LRP2: variants seen among roughly 807,000 people sequenced by gnomAD.
The protein encoded by LRP2 is LDL receptor related protein 2, also known as low-density lipoprotein receptor-related protein 2.
A neutral mutation model predicts 531.0 loss-of-function variants in LRP2; 172 were observed. The observed-to-expected ratio is 0.32, with a 90% CI of 0.29 to 0.37. The LOEUF is 0.37. Ranked by LOEUF, LRP2 falls within the 10% of genes least tolerant of loss-of-function variation. LRP2 has a pLI of 1.00. For synonymous variants in LRP2, 1,992 were observed against 2,027.6 expected, an observed-to-expected ratio of 0.98 and a Z score of 0.47; for missense variants, 5,167 against 5,868.3, an observed-to-expected ratio of 0.88 and a Z score of 3.90.
chr2:169,241,250 A>C lies in LRP2; in HGVS notation c.3783T>G (p.Asp1261Glu). 6.2e-7 allele frequency: 1 copy of C among 1,614,216 alleles called. No homozygotes were observed. Among genetic ancestry groups the C allele is most frequent in the Non-Finnish European group, 8.5e-7 (1 of 1,180,038 alleles). ...DGHPDCLYGS[D>E]EHNACVPKTC... ...TCTTGGGGACACAGGCATTGTGCTC[A>C]TCAGATCCATAGAGGCAGTCTGGAT... Residue 1261 changes from aspartate to glutamate, a missense_variant, in exon 25 of 79, where the codon GAT (aspartate) becomes GAG (glutamate). By Grantham distance (45) the Asp-to-Glu change is conservative. Transcript: ENST00000649046.
At position 169,168,596 on chromosome 2, in the gene LRP2, T is replaced by G; in HGVS notation, c.11578A>C (p.Lys3860Gln). ...CCACAGTCATCATCGCCATCACATT[T>G]CCAATATGGCGGGATACAAACATGG... ...KNHVCIPPYW[K>Q]CDGDDDCGDG... Residue 3860 changes from lysine to glutamine, a missense_variant, in exon 61 of 79, where the codon AAA becomes CAA. Lys to Gln is a moderately conservative substitution (Grantham distance 53). This residue lies in a region of LRP2 where 564 missense variants were observed against 747.7 expected (regional missense o/e 0.75). Transcript: ENST00000649046. 1 of 1,614,076 alleles carries G rather than the reference T, an allele frequency of 6.2e-7. No homozygotes were observed.
intron 62 of LRP2, among the ~76,000 whole-genome samples, chr2:169,165,155 C>T (rs936802214): frequency 6.6e-6 from 1 of 152,086 alleles, no homozygotes; most frequent in African/African-American, 2.4e-5. Context: ...CACATCAATA[C>T]AAGAAATAGA....
rs187335739 is a variant in LRP2, at chr2:169,197,750, A to G, written c.8579-720T>C. Reference sequence around the variant, plus strand: ...AGCAGAGGTCCCTGAAAAGTCAGCAATAATTCCTATCTGTCTAGCCCTATC... The same window carrying G: ...AGCAGAGGTCCCTGAAAAGTCAGCAGTAATTCCTATCTGTCTAGCCCTATC... On this transcript the variant is annotated intron_variant, in intron 45 of 78. Transcript: ENST00000649046. Among the ~76,000 whole-genome samples the G allele has an allele frequency of 2.1e-4, 32 of 152,354 alleles. No homozygotes were observed. The East Asian group carries it at 5.8e-3, about 28-fold the overall frequency.
chr2:169,332,507 A>G (rs868718052), intron 1 of LRP2, among the ~76,000 whole-genome samples: 4 of 152,150 alleles, frequency 2.6e-5, no homozygotes, highest in Admixed American at 1.3e-4. Flanking sequence ...CTTGCATCCT[A>G]GCCTTGGTTT....
intron 61 of LRP2, among the ~76,000 whole-genome samples, chr2:169,166,348 A>G (rs1278696581): frequency 1.3e-5 from 2 of 152,194 alleles, no homozygotes; most frequent in Non-Finnish European, 2.9e-5. Context: ...TGAAACATCT[A>G]CTGGGGTGAT....
chr2:169,295,377 A>C (rs759609093), intron 4 of LRP2, among the ~76,000 whole-genome samples: 1 of 152,236 alleles, frequency 6.6e-6, no homozygotes, highest in African/African-American at 2.4e-5. Flanking sequence ...GTGCTTTCAA[A>C]GCACAAATTG....
intron 19 of LRP2, among the ~76,000 whole-genome samples, chr2:169,248,677 G>A (rs1690110012): frequency 8.1e-6 from 1 of 124,006 alleles, no homozygotes; most frequent in Non-Finnish European, 1.7e-5. Flanking sequence ...AGCTCCCAGC[G>A]TGAGCGACGC....
intron 2 of LRP2, 90 bp from the exon 3 acceptor site, chr2:169,318,974 A>G: frequency 6.6e-7 from 1 of 1,509,882 alleles, no homozygotes; most frequent in Middle Eastern, 1.7e-4. Flanking sequence ...TGTATCATGT[A>G]AACTCCTGCT....
Position 169,277,896 on chromosome 2 carries a change from C to T in LRP2, c.1621G>A (p.Ala541Thr). The T allele has an allele frequency of 6.2e-7, 1 of 1,614,050 alleles. No homozygotes were observed. Among genetic ancestry groups the T allele is most frequent in the Non-Finnish European group, 8.5e-7 (1 of 1,179,982 alleles). Residue 541 changes from alanine (A) to threonine (T), a missense_variant, in exon 13 of 79, where the codon GCA (alanine) becomes ACA (threonine). This residue lies in a region of LRP2 where 2,811 missense variants were observed against 3,058.0 expected (regional missense o/e 0.92). Transcript: ENST00000649046. ...TTACGGTTGCTGCCATCCATGAATG[C>T]CCTTTCCAGCTTAGGTTCCCCAGAA... The part of the protein sequence containing the change: ...SLSGEPKLER[A>T]FMDGSNRKDL...
chr2:169,195,256 A>G (rs1687967570), intron 46 of LRP2, among the ~76,000 whole-genome samples: 1 of 152,208 alleles, frequency 6.6e-6, no homozygotes, highest in African/African-American at 2.4e-5. Context: ...ATTTGCTGAC[A>G]TGATGTTAAG....
chr2:169,226,460 C>G lies in LRP2; in HGVS notation c.5356G>C (p.Asp1786His). The change falls in exon 32 of 79, where the codon GAT becomes CAT. Residue 1786 changes from aspartate to histidine, a missense_variant. Physicochemically the swap from Asp to His is moderately conservative, Grantham distance 81. Transcript: ENST00000649046. ...CAATAGATGTATTGCTCAGCATCAT[C>G]AAATTCAACATCTAAACCATTCTGT... ...GIQNGLDVEF[D>H]DAEQYIYWVE... 1 of 1,613,684 alleles carries G rather than the reference C, an allele frequency of 6.2e-7. No homozygotes were observed. The highest frequency in any genetic ancestry group is 2.2e-5 in the East Asian group (1 of 44,858).
chr2:169,361,180 C>T (rs1686138369), intron 1 of LRP2, among the ~76,000 whole-genome samples: 1 of 152,128 alleles, frequency 6.6e-6, no homozygotes, highest in Non-Finnish European at 1.5e-5. Context: ...GTGGCAGCAG[C>T]GTCCCCTCTG....
intron 1 of LRP2, among the ~76,000 whole-genome samples, chr2:169,358,050 A>G (rs115802796): frequency 6.6e-6 from 1 of 152,324 alleles, no homozygotes; most frequent in African/African-American, 2.4e-5. Context: ...TGGTTGTAAT[A>G]ACCTATCACA....
chr2:169,156,338 C>G lies in LRP2; in HGVS notation c.12087G>C (p.Glu4029Asp). The change falls in exon 65 of 79, where the codon GAG (glutamate) becomes GAC (aspartate). Residue 4029 changes from glutamate (E) to aspartate (D), a missense_variant. Glu to Asp is a conservative substitution (Grantham distance 45). Transcript: ENST00000649046. ...ACGTGAAGCCATCAGCACAGACACA[C>G]TCATAACTTCCTTTGGTATTTCTGC... Reference protein sequence around the residue: ...QHCRNTKGSYECVCADGFTSM... With the variant: ...QHCRNTKGSYDCVCADGFTSM... 6.2e-7 allele frequency: 1 copy of G among 1,613,708 alleles called. No individual in the cohort carries two copies. The highest frequency in any genetic ancestry group is 2.2e-5 in the East Asian group (1 of 44,878).
intron 31 of LRP2, among the ~76,000 whole-genome samples, chr2:169,227,612 C>A (rs1003038951): frequency 9.9e-5 from 15 of 152,122 alleles, no homozygotes; most frequent in Non-Finnish European, 1.8e-4. Context: ...CTTTCATAAG[C>A]TAAAAATGAT....
At chr2:169,188,298 A>G (rs1687704376) in intron 48 of LRP2, 33 bp from the exon 49 acceptor site, 9 of 1,610,806 alleles carry the variant, frequency 5.6e-6, no homozygotes, top group African/African-American at 5.3e-5. Flanking sequence ...ACTTTCAGAG[A>G]GGTTGGCAAT....
At position 169,241,192 on chromosome 2, in the gene LRP2, C is replaced by T. The variant is rs759786625; in HGVS notation, c.3841G>A (p.Gly1281Arg). Residue 1281 changes from glycine to arginine, a missense_variant, in exon 25 of 79, where the codon GGA (glycine) becomes AGA (arginine). Gly to Arg is a moderately radical substitution (Grantham distance 125). Around this residue, in one of 6 missense-constraint regions of LRP2, gnomAD observed 2,811 missense variants for 3,058.0 expected, o/e 0.92. Transcript: ENST00000649046. ...AGCCATGCCCTGTGGATGCAGTTTC[C>T]GTTGTCACAGTGGAAATATGATGAA... is the stretch of plus-strand genomic sequence containing the variant. ...CPSSYFHCDNGNCIHRAWLCD... is the reference protein window; with the variant it reads ...CPSSYFHCDNRNCIHRAWLCD... The T allele has an allele frequency of 1.9e-5, 31 of 1,614,038 alleles. No individual in the cohort carries two copies. Among genetic ancestry groups the T allele is most frequent in the Non-Finnish European group, 2.4e-5 (28 of 1,180,042 alleles).
chr2:169,294,210 G>A lies in LRP2; in HGVS notation c.590C>T (p.Pro197Leu). The A allele has an allele frequency of 1.9e-6, 3 of 1,613,892 alleles. No homozygotes were observed. Among genetic ancestry groups the A allele is most frequent in the African/African-American group, 1.3e-5 (1 of 74,992 alleles). Residue 197 changes from proline to leucine, a missense_variant, in exon 6 of 79, where the codon CCT becomes CTT. This residue lies in a region of LRP2 where 2,811 missense variants were observed against 3,058.0 expected (regional missense o/e 0.92). Transcript: ENST00000649046. ...EFSCGNGECI[P>L]RAYVCDHDND... ...GTCATGGTCACAGACATAAGCACGA[G>A]GGATACACTCTCCATTGCCACATGA...
Position 169,212,172 on chromosome 2 carries a change from T to C in LRP2, c.6076A>G (p.Met2026Val), listed in dbSNP as rs1381497115. The C allele has an allele frequency of 6.2e-7, 1 of 1,614,080 alleles. No homozygotes were observed. The highest frequency in any genetic ancestry group is 8.5e-7 in the Non-Finnish European group (1 of 1,179,948). Residue 2026 changes from methionine to valine, a missense_variant, in exon 37 of 79, where the codon ATG becomes GTG. Met to Val is a conservative substitution (Grantham distance 21, BLOSUM62 1). Transcript: ENST00000649046. ...AESSNGCSNN[M>V]NACQQICLPV... is the part of the protein sequence containing the mutation. Reference sequence around the variant, plus strand: ...AGGCAAATCTGCTGACAGGCATTCATGTTGTTGCTACAGCCATTTGAGGAT... The same window carrying C: ...AGGCAAATCTGCTGACAGGCATTCACGTTGTTGCTACAGCCATTTGAGGAT...
Sources: allele counts gnomAD v4.1 joint callset (sites outside exome capture counted in the v4.1 genomes callset), GRCh38; gene constraint gnomAD v4.1.1; regional missense constraint gnomAD v4.1.1; transcripts MANE v1.5; gene names NCBI Gene and HGNC (gene_info 2026-07-23, HGNC 2026-07-21).